THSD4: variants seen among roughly 807,000 people sequenced by gnomAD.
THSD4 encodes thrombospondin type 1 domain containing 4.
A neutral mutation model predicts 119.0 loss-of-function variants in THSD4; 69 were observed. That is an observed-to-expected ratio of 0.58 (90% CI 0.48 to 0.71). The LOEUF (loss-of-function observed/expected upper bound fraction) is 0.71, where lower values mean the gene tolerates loss of function less well. Among genes scored for constraint, THSD4 ranks in the 30% least tolerant of loss-of-function variants. The pLI, the probability that THSD4 is intolerant of heterozygous loss-of-function variation, is 0.00. For missense variants in THSD4, 1,393 were observed against 1,391.1 expected (o/e 1.00, Z -0.02); for synonymous variants, 524 against 540.4 (o/e 0.97, Z 0.42).
chr15:71,467,126 G>A (rs566858428), intron 7 of THSD4, among the ~76,000 whole-genome samples: 4 of 152,266 alleles, frequency 2.6e-5, no homozygotes, highest in Non-Finnish European at 4.4e-5. Flanking sequence ...ACAACCTCAC[G>A]TGCTGCCTTT....
intron 6 of THSD4, among the ~76,000 whole-genome samples, chr15:71,311,649 A>T (rs1452595679): frequency 1.3e-5 from 2 of 152,180 alleles, no homozygotes; most frequent in African/African-American, 4.8e-5. Flanking sequence ...ACCTAGCATT[A>T]TATGTTGATA....
At chr15:71,699,849 C>T (rs1423904181) in intron 8 of THSD4, among the ~76,000 whole-genome samples, 1 of 152,012 alleles carries the variant, frequency 6.6e-6, no homozygotes, top group Admixed American at 6.6e-5. Context: ...ATATCTATTA[C>T]GCACCAAGAT....
At chr15:71,180,304 A>T (rs1195401084) in intron 3 of THSD4, among the ~76,000 whole-genome samples, 1 of 152,206 alleles carries the variant, frequency 6.6e-6, no homozygotes, top group Non-Finnish European at 1.5e-5. Context: ...TCAACAACGA[A>T]GCAGACAACA....
intron 7 of THSD4, among the ~76,000 whole-genome samples, chr15:71,478,733 C>T (rs1274365720): frequency 1.3e-5 from 2 of 152,100 alleles, no homozygotes; most frequent in African/African-American, 4.8e-5. Flanking sequence ...ATATTGGGGA[C>T]TGTATTTCTG....
rs548029931 is a variant in THSD4, at chr15:71,608,042, T to A, written c.1153-52488T>A. 2.6e-5 allele frequency among the ~76,000 whole-genome samples: 4 copies of A among 152,000 alleles called. No homozygotes were observed. In the South Asian group the frequency reaches 8.3e-4, roughly 32 times the overall value. On this transcript the variant is annotated intron_variant, in intron 7 of 17. Transcript: ENST00000261862. ...TTCAAGATGAGCCTGGCCAACGTGGTGAAACCCTGTCTCTACTAAAAATAC... is the reference window on the plus strand; with the variant it reads ...TTCAAGATGAGCCTGGCCAACGTGGAGAAACCCTGTCTCTACTAAAAATAC...
chr15:71,401,998 A>G (rs2046540427), intron 6 of THSD4, among the ~76,000 whole-genome samples: 1 of 152,014 alleles, frequency 6.6e-6, no homozygotes, highest in Non-Finnish European at 1.5e-5. Flanking sequence ...AAACTGTCTC[A>G]AGGACAGAAA....
intron 6 of THSD4, among the ~76,000 whole-genome samples, chr15:71,361,663 T>C (rs1435941073): frequency 6.6e-6 from 1 of 152,262 alleles, no homozygotes. Context: ...GCTATTTCAC[T>C]ATTTGGAGGC....
chr15:71,757,950 A>C lies in THSD4; in HGVS notation c.2464A>C (p.Met822Leu). The C allele has an allele frequency of 6.2e-7, 1 of 1,614,018 alleles. No individual in the cohort carries two copies. Among genetic ancestry groups the C allele is most frequent in the Non-Finnish European group, 8.5e-7 (1 of 1,180,020 alleles). Reference protein sequence around the residue: ...AGVRTRSVVCMTNHVSSLPLE... With the variant: ...AGVRTRSVVCLTNHVSSLPLE... Reference sequence around the variant, plus strand: ...AGTGCGGACACGCTCGGTGGTGTGCATGACCAACCATGTCAGCAGCCTGCC... The same window carrying C: ...AGTGCGGACACGCTCGGTGGTGTGCCTGACCAACCATGTCAGCAGCCTGCC... Residue 822 changes from methionine (M) to leucine (L), a missense_variant, in exon 15 of 18, where the codon ATG becomes CTG. Transcript: ENST00000261862.
At chr15:71,692,846 A>G (rs2052083702) in intron 8 of THSD4, among the ~76,000 whole-genome samples, 1 of 152,244 alleles carries the variant, frequency 6.6e-6, no homozygotes, top group Non-Finnish European at 1.5e-5. Flanking sequence ...GACCGAGGTC[A>G]TATTTTAATG....
At chr15:71,172,698 T>TATATATATATATATATATATATATGTGAC (rs1567145317) in intron 3 of THSD4, among the ~76,000 whole-genome samples, 11 of 96,360 alleles carry the variant, frequency 1.1e-4, no homozygotes, top group African/African-American at 5.4e-4. Context: ...TATATATATA[T>TATATATATATATATATATATATATGTGAC]ATATATATAT....
intron 7 of THSD4, among the ~76,000 whole-genome samples, chr15:71,454,863 A>G (rs569276833): frequency 1.3e-5 from 2 of 152,358 alleles, no homozygotes; most frequent in East Asian, 1.9e-4. Context: ...GACTGAATCA[A>G]TAAAATCCCC....
At chr15:71,459,412 C>CTG (rs2047395700) in intron 7 of THSD4, among the ~76,000 whole-genome samples, 5 of 151,070 alleles carry the variant, frequency 3.3e-5, no homozygotes, top group African/African-American at 7.3e-5. Context: ...CTCTGTCTCT[C>CTG]TCTCTCTCTC....
chr15:71,440,020 T>TA lies in THSD4; in HGVS notation c.1152+28204dup, dbSNP rs200776619. ...CCCAGAACTTAAAGTATAATAATAATAAAAAAAGAATATTCTGAACCTAGT... is the reference window on the plus strand; with the variant it reads ...CCCAGAACTTAAAGTATAATAATAATAAAAAAAAGAATATTCTGAACCTAGT... On this transcript the variant is annotated intron_variant, in intron 7 of 17. Transcript: ENST00000261862. 6.3e-3 allele frequency among the ~76,000 whole-genome samples: 960 copies of TA among 151,972 alleles called. 8 individuals are homozygous for TA. Among genetic ancestry groups the TA allele is most frequent in the African/African-American group, 0.022 (920 of 41,432 alleles).
chr15:71,496,050 C>T (rs2048011858), intron 7 of THSD4, among the ~76,000 whole-genome samples: 1 of 152,184 alleles, frequency 6.6e-6, no homozygotes, highest in Admixed American at 6.5e-5. Flanking sequence ...AAGCTTCTCC[C>T]ATAGAGGAAG....
intron 6 of THSD4, among the ~76,000 whole-genome samples, chr15:71,402,761 G>A (rs1360647872): frequency 6.6e-6 from 1 of 152,166 alleles, no homozygotes; most frequent in Non-Finnish European, 1.5e-5. Flanking sequence ...CCTAACTGCT[G>A]GGGGGTGTGA....
chr15:71,252,322 T>A lies in THSD4; in HGVS notation c.913-4291T>A, dbSNP rs116486224. Among the ~76,000 whole-genome samples, 169 of 152,388 alleles carry A rather than the reference T, an allele frequency of 1.1e-3. 2 individuals carry two copies. The highest frequency in any genetic ancestry group is 3.8e-3 in the African/African-American group (160 of 41,600). On this transcript the variant is annotated intron_variant, in intron 5 of 17. Coordinates refer to ENST00000261862, the MANE Select transcript of THSD4 (RefSeq NM_024817.3). ...AACCTAAGAAAGGGGTAAAAGGATC[T>A]GTAACCTGGAAGTTTTCACTTCAGA...
chr15:71,751,886 G>T (rs2053454624), intron 14 of THSD4, among the ~76,000 whole-genome samples: 1 of 152,116 alleles, frequency 6.6e-6, no homozygotes, highest in Admixed American at 6.5e-5. Flanking sequence ...AAGTGTTCTT[G>T]TGCATAAATC....
At chr15:71,444,425 C>G (rs1409870207) in intron 7 of THSD4, among the ~76,000 whole-genome samples, 1 of 152,172 alleles carries the variant, frequency 6.6e-6, no homozygotes, top group African/African-American at 2.4e-5. Context: ...CTTGTCCAGT[C>G]ACATGTCAAT....
At chr15:71,692,281 A>T (rs1454239257) in intron 8 of THSD4, among the ~76,000 whole-genome samples, 1 of 152,236 alleles carries the variant, frequency 6.6e-6, no homozygotes, top group Non-Finnish European at 1.5e-5. Flanking sequence ...TATGGGTTTC[A>T]AGAATTACAT....
Sources: allele counts gnomAD v4.1 joint callset (sites outside exome capture counted in the v4.1 genomes callset), GRCh38; gene constraint gnomAD v4.1.1; transcripts MANE v1.5; gene names NCBI Gene and HGNC (gene_info 2026-07-23, HGNC 2026-07-21).